The following TRIM52 variants were observed in gnomAD, a reference collection of about 807,000 sequenced individuals.
TRIM52 encodes tripartite motif containing 52.
TRIM52 carries 24 observed loss-of-function variants against 27.0 expected under a neutral mutation model. That is an observed-to-expected ratio of 0.89 (90% CI 0.64 to 1.25). TRIM52 has a LOEUF of 1.25. Among genes scored for constraint, TRIM52 ranks in the 50% most tolerant of loss-of-function variants. The probability of loss-of-function intolerance (pLI) is 0.00; values close to 1 mark genes in which losing one functional copy is unlikely to be tolerated. For synonymous variants in TRIM52, 125 were observed against 126.5 expected, an observed-to-expected ratio of 0.99 and a Z score of 0.08; for missense variants, 351 against 354.7, an observed-to-expected ratio of 0.99 and a Z score of 0.08.
chr5:181,255,877 GGTT>G lies in TRIM52; in HGVS notation c.*929_*931del, dbSNP rs1175088885. The G allele has an allele frequency of 6.6e-6, 1 of 152,130 alleles. No individual in the cohort carries two copies. Among genetic ancestry groups the G allele is most frequent in the Non-Finnish European group, 1.5e-5 (1 of 68,024 alleles). 9.4% of individuals were successfully genotyped at this position (152,130 alleles called of 1,614,324 possible). On this transcript the variant is annotated 3_prime_UTR_variant, in exon 2 of 2. Coordinates refer to ENST00000688015, the MANE Select transcript of TRIM52 (RefSeq NM_001346048.2). ...TTTTTCATTGTTCTTCCAACCTTGG[GGTT>G]GTTCTGTCCACAAGTTCAGCAGAAT... is the stretch of plus-strand genomic sequence containing the variant.
At chr5:181,259,055 T>C (rs1385702450) in intron 1 of TRIM52, 1 of 152,236 alleles carries the variant, frequency 6.6e-6, no homozygotes, top group Non-Finnish European at 1.5e-5. Context: ...CCTAGACTTT[T>C]GGTAAGGAAG....
In TRIM52 at chr5:181,257,040, G is replaced by C. The variant is rs775902235; in HGVS notation, c.814-181C>G. The C allele has an allele frequency of 8.7e-4, 861 of 993,752 alleles. 1 individual carries two copies. The highest frequency in any genetic ancestry group is 9.5e-4 in the Non-Finnish European group (793 of 835,528). The allele number at this position is 993,752 out of a possible 1,614,324, so 61.6% of individuals were successfully genotyped here. On this transcript the variant is annotated intron_variant, in intron 1 of 1. Transcript: ENST00000688015. The stretch of plus-strand genomic sequence containing the variant: ...GGCAGCTGGGTGGCAGGACAATCCA[G>C]GCATCCAGTTATGCCTGATCCCCAA...
downstream of TRIM52, among the ~76,000 whole-genome samples, chr5:181,252,764 C>T (rs1194532163): frequency 6.6e-6 from 1 of 152,090 alleles, no homozygotes; most frequent in Non-Finnish European, 1.5e-5. Context: ...GCCACCTCCA[C>T]TGTGGACTCA....
Position 181,256,475 on chromosome 5 carries a change from TCTC to T in TRIM52, c.*331_*333del, listed in dbSNP as rs1421788640. Reference sequence around the variant, plus strand: ...GCTCCGCCTCCCAGGTTCATGTCATTCTCCTGCCTCAGCCTCTTGCGAGCTGAT... The same window carrying T: ...GCTCCGCCTCCCAGGTTCATGTCATTCTGCCTCAGCCTCTTGCGAGCTGAT... On this transcript the variant is annotated 3_prime_UTR_variant, in exon 2 of 2. Coordinates refer to ENST00000688015, the MANE Select transcript of TRIM52 (RefSeq NM_001346048.2). 1 of 152,060 alleles carries T rather than the reference TCTC, an allele frequency of 6.6e-6. No individual in the cohort carries two copies. Among genetic ancestry groups the T allele is most frequent in the Non-Finnish European group, 1.5e-5 (1 of 68,072 alleles). 9.4% of individuals were successfully genotyped at this position (152,060 alleles called of 1,614,324 possible).
At position 181,260,380 on chromosome 5, in the gene TRIM52, A is replaced by G. The variant is rs758961495; in HGVS notation, c.434T>C (p.Ile145Thr). 1 of 1,614,048 alleles carries G rather than the reference A, an allele frequency of 6.2e-7. No individual in the cohort carries two copies. Among genetic ancestry groups the G allele is most frequent in the Non-Finnish European group, 8.5e-7 (1 of 1,180,012 alleles). Residue 145 changes from isoleucine to threonine, a missense_variant, in exon 1 of 2, where the codon ATT (isoleucine) becomes ACT (threonine). Ile to Thr is a moderately conservative substitution (Grantham distance 89). Transcript: ENST00000688015. The surrounding 1 kb of genome is among the most constrained non-coding windows in gnomAD (Gnocchi z 4.4). ...YLGGLRPDLR[I>T]DVYREEEILE... ...TATTTCTTCTTCTCGGTAGACATCA[A>G]TTCTCAGGTCAGGTCTCAAGCCTCC...
rs1213382883 is a variant in TRIM52 at position 181,255,322 on chromosome 5, A to C, written c.*1487T>G. 1 of 152,212 alleles carries C rather than the reference A, an allele frequency of 6.6e-6. No individual in the cohort carries two copies. The highest frequency in any genetic ancestry group is 1.5e-5 in the Non-Finnish European group (1 of 68,032). The allele number at this position is 152,212 out of a possible 1,614,324, so 9.4% of individuals were successfully genotyped here. On this transcript the variant is annotated 3_prime_UTR_variant, in exon 2 of 2. Coordinates refer to ENST00000688015, the MANE Select transcript of TRIM52 (RefSeq NM_001346048.2). ...TATATCAAAACATTAAAAAATAAAA[A>C]AGCTTTTTAAGGTGTAAGGAGCAAA...
rs1760019463 is a variant in TRIM52 at position 181,260,642 on chromosome 5, C to A, written c.172G>T (p.Glu58Ter). ...TCCTCCTCCCATTCATCTTCCTCCT[C>A]GTTCTGGTCCTCCTCGTCCTCCTTA... ...WSKEDEEDQNEEEDEWEEEED... is the reference protein window; with the variant it reads ...WSKEDEEDQN Residue 58 changes from glutamate (E) to a stop codon, truncating the protein, a stop_gained, in exon 1 of 2, where the codon GAG (glutamate) becomes TAG (stop). Coordinates refer to ENST00000688015, the MANE Select transcript of TRIM52 (RefSeq NM_001346048.2). LOFTEE classifies it high-confidence loss of function. The surrounding 1 kb of genome is among the most constrained non-coding windows in gnomAD (Gnocchi z 4.4). The A allele has an allele frequency of 4.3e-6, 7 of 1,614,072 alleles. No homozygotes were observed. Among genetic ancestry groups the A allele is most frequent in the Non-Finnish European group, 5.9e-6 (7 of 1,180,014 alleles).
At chr5:181,252,147 T>C (rs1759647682), downstream of TRIM52, among the ~76,000 whole-genome samples, 1 of 152,140 alleles carries the variant, frequency 6.6e-6, no homozygotes, top group South Asian at 2.1e-4. Context: ...ATTTTAAAAA[T>C]AAAATATTTT....
chr5:181,258,922 T>TA, intron 1 of TRIM52: 1 of 152,254 alleles, frequency 6.6e-6, no homozygotes, highest in East Asian at 1.9e-4. Context: ...CACGAGGAAA[T>TA]ATATTTTATA....
downstream of TRIM52, chr5:181,255,032 T>C (rs1469857681): frequency 6.6e-6 from 1 of 152,218 alleles, no homozygotes; most frequent in Non-Finnish European, 1.5e-5. Context: ...ATGTTTTTCC[T>C]CAATGTTTTT....
In TRIM52 at chr5:181,260,559, C is replaced by T. The variant is rs1238332361; in HGVS notation, c.255G>A (p.Val85=). ...MDGWDGSIRE[V]LYRGNADEEL... Reference sequence around the variant, plus strand: ...CTTCGTCAGCATTCCCCCGATACAACACCTCTCGAATGGAGCCGTCCCATC... The same window carrying T: ...CTTCGTCAGCATTCCCCCGATACAATACCTCTCGAATGGAGCCGTCCCATC... The change falls in exon 1 of 2, where the codon GTG becomes GTA. Residue 85 remains valine, a synonymous_variant. Coordinates refer to ENST00000688015, the MANE Select transcript of TRIM52 (RefSeq NM_001346048.2). The surrounding 1 kb of genome is among the most constrained non-coding windows in gnomAD (Gnocchi z 4.4). 3.1e-6 allele frequency: 5 copies of T among 1,613,938 alleles called. No homozygotes were observed. Among genetic ancestry groups the T allele is most frequent in the Non-Finnish European group, 4.2e-6 (5 of 1,180,026 alleles).
At chr5:181,253,185 G>A (rs759870448), downstream of TRIM52, among the ~76,000 whole-genome samples, 1 of 140,936 alleles carries the variant, frequency 7.1e-6, no homozygotes, top group South Asian at 2.3e-4. Flanking sequence ...ACAGGCATGC[G>A]CCACCATGCC....
Position 181,261,070 on chromosome 5 carries a change from G to GAGAT in TRIM52, c.-258_-257insATCT. On this transcript the variant is annotated 5_prime_UTR_variant, in exon 1 of 2. Coordinates refer to ENST00000688015, the MANE Select transcript of TRIM52 (RefSeq NM_001346048.2). ...GCTGCTCGGTCCTGTCACGTCTCTC[G>GAGAT]CTACCCTCAGGGTGTGCCCTACACT... 2.2e-5 allele frequency: 11 copies of GAGAT among 489,254 alleles called. No individual in the cohort carries two copies. Among genetic ancestry groups the GAGAT allele is most frequent in the East Asian group, 2.0e-4 (6 of 30,062 alleles). 30.3% of individuals were successfully genotyped at this position (489,254 alleles called of 1,614,324 possible). A position where few individuals can be genotyped will look rare whatever the true frequency, so the allele number is the denominator to read the frequency against.
At chr5:181,253,257 A>G (rs529825738), downstream of TRIM52, among the ~76,000 whole-genome samples, 3 of 140,256 alleles carry the variant, frequency 2.1e-5, no homozygotes, top group Admixed American at 6.9e-5. Flanking sequence ...CTGGTCTGGA[A>G]CTCCCGACCT....
downstream of TRIM52, among the ~76,000 whole-genome samples, chr5:181,250,347 C>G (rs532569937): frequency 6.6e-6 from 1 of 152,056 alleles, no homozygotes; most frequent in African/African-American, 2.4e-5. Context: ...ACCAGCCTGA[C>G]CAGCATGGCA....
intron 1 of TRIM52, chr5:181,257,389 G>T: frequency 2.5e-6 from 4 of 1,589,352 alleles, no homozygotes; most frequent in Non-Finnish European, 3.4e-6. Flanking sequence ...AACACCTCCT[G>T]TGGCTACCCA....
chr5:181,251,177 C>T (rs1759625384), downstream of TRIM52, among the ~76,000 whole-genome samples: 1 of 151,776 alleles, frequency 6.6e-6, no homozygotes, highest in South Asian at 2.1e-4. Flanking sequence ...GCTTGTAATC[C>T]CAGCTACCCT....
In TRIM52 at chr5:181,260,008, T is replaced by A; in HGVS notation, c.806A>T (p.Glu269Val). ...TTCCCTCATTTCTCTCACCTGGTAC[T>A]CCTGCACCACCTCCTCCAAAGGCAG... ...SVLPLEEVVQ[E>V]YQKIGSTSSV... The change falls in exon 1 of 2, where the codon GAG becomes GTG. Residue 269 changes from glutamate to valine, a missense_variant. Transcript: ENST00000688015. The surrounding 1 kb of genome is among the most constrained non-coding windows in gnomAD (Gnocchi z 4.4). The A allele has an allele frequency of 3.1e-6, 5 of 1,613,828 alleles. No individual in the cohort carries two copies. Among genetic ancestry groups the A allele is most frequent in the Non-Finnish European group, 4.2e-6 (5 of 1,180,050 alleles).
chr5:181,259,947 T>G, intron 1 of TRIM52, 54 bp downstream of exon 1: 1 of 1,611,920 alleles, frequency 6.2e-7, no homozygotes, highest in Non-Finnish European at 8.5e-7. Flanking sequence ...TCCTCAGCTC[T>G]CCTAGTTACC....
Sources: allele counts gnomAD v4.1 joint callset (sites outside exome capture counted in the v4.1 genomes callset), GRCh38; gene constraint gnomAD v4.1.1; non-coding constraint Gnocchi (gnomAD v3.1); transcripts MANE v1.5; gene names NCBI Gene and HGNC (gene_info 2026-07-23, HGNC 2026-07-21).